Variants in SLC9A2 observed in about 807,000 individuals in gnomAD.
SLC9A2 encodes solute carrier family 9 member A2.
A neutral mutation model predicts 71.7 loss-of-function variants in SLC9A2; 42 were observed. That is an observed-to-expected ratio of 0.59 (90% CI 0.46 to 0.76). The LOEUF (loss-of-function observed/expected upper bound fraction) is 0.76, where lower values mean the gene tolerates loss of function less well. Among genes scored for constraint, SLC9A2 ranks in the 30% least tolerant of loss-of-function variants. SLC9A2 has a pLI of 0.00. For missense variants in SLC9A2, 829 were observed against 1,017.4 expected (o/e 0.81, Z 2.52); for synonymous variants, 396 against 392.5 (o/e 1.01, Z -0.10).
intron 3 of SLC9A2, among the ~76,000 whole-genome samples, chr2:102,666,335 G>A (rs1435924943): frequency 6.6e-6 from 1 of 151,410 alleles, no homozygotes; most frequent in Admixed American, 6.6e-5. Flanking sequence ...AGCTGGGACT[G>A]CAGGCGCCCG....
At chr2:102,702,592 G>C (rs1007181340) in intron 9 of SLC9A2, 90 bp downstream of exon 9, 1 of 748,388 alleles carries the variant, frequency 1.3e-6, no homozygotes, top group South Asian at 1.6e-5. Context: ...GCTGCATCTT[G>C]ACACTGGGCT....
chr2:102,625,299 AC>A (rs1676224940), intron 1 of SLC9A2, among the ~76,000 whole-genome samples: 1 of 152,130 alleles, frequency 6.6e-6, no homozygotes, highest in South Asian at 2.1e-4. Flanking sequence ...GTGTTTTTGT[AC>A]CCTTTAAAAT....
intron 3 of SLC9A2, among the ~76,000 whole-genome samples, chr2:102,668,898 C>T (rs1677193302): frequency 6.6e-6 from 1 of 152,134 alleles, no homozygotes; most frequent in African/African-American, 2.4e-5. Flanking sequence ...TCTTGGGCAG[C>T]CTGTTCTAGA....
chr2:102,660,910 T>C (rs1677036239), intron 2 of SLC9A2, among the ~76,000 whole-genome samples: 2 of 152,202 alleles, frequency 1.3e-5, no homozygotes, highest in South Asian at 4.1e-4. Flanking sequence ...ATCTCGAGGA[T>C]GGGTAACATG....
At chr2:102,659,047 T>G (rs115409077) in intron 2 of SLC9A2, among the ~76,000 whole-genome samples, 1,544 of 152,290 alleles carry the variant, frequency 0.01, 25 homozygotes, top group African/African-American at 0.036. Flanking sequence ...AGAAAAAGAC[T>G]GTGTTTAAAG....
At chr2:102,637,986 C>T (rs1030748734) in intron 1 of SLC9A2, among the ~76,000 whole-genome samples, 1 of 152,176 alleles carries the variant, frequency 6.6e-6, no homozygotes, top group Admixed American at 6.5e-5. Context: ...CAGCTGATGG[C>T]CACTTTGCAG....
At chr2:102,660,844 A>C (rs941598020) in intron 2 of SLC9A2, among the ~76,000 whole-genome samples, 1 of 152,242 alleles carries the variant, frequency 6.6e-6, no homozygotes, top group South Asian at 2.1e-4. Context: ...AGTCACTAGG[A>C]GTTGCAGATA....
rs540789470 is a variant in SLC9A2, at chr2:102,633,504, A to T, written c.289+13367A>T. On this transcript the variant is annotated intron_variant, in intron 1 of 11. Coordinates refer to ENST00000233969, the MANE Select transcript of SLC9A2 (RefSeq NM_003048.6). Reference sequence around the variant, plus strand: ...GATTGCCATTGTAAAATCACGCAATAATAATAGCACCCGGCTTCCTTCGTG... The same window carrying T: ...GATTGCCATTGTAAAATCACGCAATTATAATAGCACCCGGCTTCCTTCGTG... 7.4e-4 allele frequency among the ~76,000 whole-genome samples: 113 copies of T among 152,296 alleles called. 1 individual carries two copies. Among genetic ancestry groups the T allele is most frequent in the East Asian group, 1.9e-4 (1 of 5,190 alleles).
At chr2:102,665,447 A>C in intron 3 of SLC9A2, 97 bp downstream of exon 3, 1 of 1,272,306 alleles carries the variant, frequency 7.9e-7, no homozygotes, top group Non-Finnish European at 1.1e-6. Flanking sequence ...TATATGAAAC[A>C]CTAGGTTTTC....
intron 1 of SLC9A2, among the ~76,000 whole-genome samples, chr2:102,648,814 C>T (rs985479468): frequency 6.6e-6 from 1 of 152,134 alleles, no homozygotes; most frequent in African/African-American, 2.4e-5. Flanking sequence ...CTACAGACCA[C>T]TGCTCAAGGA....
At chr2:102,635,175 C>T (rs567193937) in intron 1 of SLC9A2, among the ~76,000 whole-genome samples, 3 of 152,316 alleles carry the variant, frequency 2.0e-5, no homozygotes, top group South Asian at 2.1e-4. Context: ...AAGGCAGAAG[C>T]GTGCATCGGC....
chr2:102,695,858 T>C (rs1677758728), intron 7 of SLC9A2, among the ~76,000 whole-genome samples: 2 of 140,928 alleles, frequency 1.4e-5, no homozygotes, highest in Non-Finnish European at 3.1e-5. Flanking sequence ...ATTACATACA[T>C]TTATATAAAT....
At position 102,702,413 on chromosome 2, in the gene SLC9A2, C is replaced by G. The variant is rs267598817; in HGVS notation, c.1756C>G (p.Arg586Gly). 6.4e-7 allele frequency: 1 copy of G among 1,564,648 alleles called. No homozygotes were observed. The highest frequency in any genetic ancestry group is 8.7e-7 in the Non-Finnish European group (1 of 1,146,260). The change falls in exon 9 of 12, where the codon CGT becomes GGT. Residue 586 changes from arginine to glycine, a missense_variant. Arg to Gly is a moderately radical substitution (Grantham distance 125, BLOSUM62 -2). Coordinates refer to ENST00000233969, the MANE Select transcript of SLC9A2 (RefSeq NM_003048.6). ...TTTTCTAAACTTTCACAGTGATTGT[C>G]GTGAAGAAAAAATAAGGAAGGTCAC... is the stretch of plus-strand genomic sequence containing the variant. Reference protein sequence around the residue: ...VPTFASLNDCREEKIRKVTSS... With the variant: ...VPTFASLNDCGEEKIRKVTSS...
intron 1 of SLC9A2, among the ~76,000 whole-genome samples, chr2:102,628,411 T>A (rs139075321): frequency 3.9e-5 from 6 of 152,238 alleles, no homozygotes; most frequent in African/African-American, 1.4e-4. Context: ...CAGTTTGATC[T>A]TCATGGAGCC....
At chr2:102,666,146 A>C (rs1308461634) in intron 3 of SLC9A2, among the ~76,000 whole-genome samples, 1 of 152,076 alleles carries the variant, frequency 6.6e-6, no homozygotes, top group Non-Finnish European at 1.5e-5. Flanking sequence ...TTAGTCATTC[A>C]AAGCAAAATC....
chr2:102,708,141 C>T lies in SLC9A2; in HGVS notation c.2091C>T (p.Asp697=), dbSNP rs759669566. The T allele has an allele frequency of 6.2e-6, 10 of 1,613,110 alleles. No individual in the cohort carries two copies. The highest frequency in any genetic ancestry group is 1.1e-5 in the South Asian group (1 of 90,974). ...SIADGNSSDS[D]ADAGTTVLNL... is the part of the protein sequence containing the mutation. Reference sequence around the variant, plus strand: ...TAGATGGCAATAGCAGCGACTCAGACGCAGATGCCGGGACCACCGTGCTCA... The same window carrying T: ...TAGATGGCAATAGCAGCGACTCAGATGCAGATGCCGGGACCACCGTGCTCA... Residue 697 remains aspartate, a synonymous_variant, in exon 12 of 12, where the codon GAC becomes GAT. Transcript: ENST00000233969.
chr2:102,666,358 G>C (rs927966885), intron 3 of SLC9A2, among the ~76,000 whole-genome samples: 9 of 151,994 alleles, frequency 5.9e-5, no homozygotes, highest in Non-Finnish European at 1.0e-4. Flanking sequence ...ACCACACCGG[G>C]CTAATTTTTT....
Position 102,660,449 on chromosome 2 carries a change from A to G in SLC9A2, c.753+2422A>G, listed in dbSNP as rs555642968. On this transcript the variant is annotated intron_variant, in intron 2 of 11. Coordinates refer to ENST00000233969, the MANE Select transcript of SLC9A2 (RefSeq NM_003048.6). The stretch of plus-strand genomic sequence containing the variant: ...ACCCACAAGATATCAGGGCATGCCC[A>G]CAGGTTTGCCAAAGAATAAACTACT... Among the ~76,000 whole-genome samples the G allele has an allele frequency of 1.2e-4, 18 of 152,350 alleles. No individual in the cohort carries two copies. In the South Asian group the frequency reaches 2.1e-3, roughly 18 times the overall value.
chr2:102,632,163 TACAC>T (rs1377700826), intron 1 of SLC9A2, among the ~76,000 whole-genome samples: 5 of 131,036 alleles, frequency 3.8e-5, no homozygotes, highest in East Asian at 2.1e-4. Context: ...TACACATATA[TACAC>T]ATATATATAC....
Sources: allele counts gnomAD v4.1 joint callset (sites outside exome capture counted in the v4.1 genomes callset), GRCh38; gene constraint gnomAD v4.1.1; transcripts MANE v1.5; gene names NCBI Gene and HGNC (gene_info 2026-07-23, HGNC 2026-07-21).